PURA: variants seen among roughly 807,000 people sequenced by gnomAD.
The protein encoded by PURA is purine rich element binding protein A.
A neutral mutation model predicts 23.1 loss-of-function variants in PURA; 2 were observed. The observed-to-expected ratio is 0.09, with a 90% confidence interval of 0.04 to 0.27. PURA has a LOEUF of 0.27. PURA is among the 10% of genes least tolerant of loss of function. PURA has a pLI of 1.00. For missense variants in PURA, 187 were observed against 449.7 expected (o/e 0.42, Z 5.28); for synonymous variants, 254 against 205.9 (o/e 1.23, Z -2.00).
chr5:140,125,612 G>A lies in PURA; in HGVS notation c.*10462G>A, dbSNP rs1269618719. The A allele has an allele frequency of 3.0e-5, 5 of 166,908 alleles. No homozygotes were observed. The highest frequency in any genetic ancestry group is 1.2e-4 in the African/African-American group (5 of 41,390). 10.3% of individuals were successfully genotyped at this position (166,908 alleles called of 1,614,324 possible). Reference sequence around the variant, plus strand: ...TGTTGGGAAACAAGATGTCACTAGGGAAAAAAAGATTTGCCTTACAACTTT... The same window carrying A: ...TGTTGGGAAACAAGATGTCACTAGGAAAAAAAAGATTTGCCTTACAACTTT... On this transcript the variant is annotated 3_prime_UTR_variant, in exon 1 of 1. Coordinates refer to ENST00000331327, the MANE Select transcript of PURA (RefSeq NM_005859.5).
In PURA at chr5:140,123,503, T is replaced by C. The variant is rs1343372320; in HGVS notation, c.*8353T>C. 1 of 166,656 alleles carries C rather than the reference T, an allele frequency of 6.0e-6. No individual in the cohort carries two copies. The highest frequency in any genetic ancestry group is 1.5e-5 in the Non-Finnish European group (1 of 68,076). The allele number at this position is 166,656 out of a possible 1,614,324, so 10.3% of individuals were successfully genotyped here. On this transcript the variant is annotated 3_prime_UTR_variant, in exon 1 of 1. Coordinates refer to ENST00000331327, the MANE Select transcript of PURA (RefSeq NM_005859.5). Reference sequence around the variant, plus strand: ...TAGTCTTTTCTAATTTCTTGCAGAATTGTGTTTTCAATATTCCACCCAAAG... The same window carrying C: ...TAGTCTTTTCTAATTTCTTGCAGAACTGTGTTTTCAATATTCCACCCAAAG...
rs1390727319 is a variant in PURA, at chr5:140,119,170, C to G, written c.*4020C>G. The G allele has an allele frequency of 6.0e-6, 1 of 166,782 alleles. No individual in the cohort carries two copies. The highest frequency in any genetic ancestry group is 1.9e-4 in the East Asian group (1 of 5,200). 10.3% of individuals were successfully genotyped at this position (166,782 alleles called of 1,614,324 possible). A position where few individuals can be genotyped will look rare whatever the true frequency, so the allele number is the denominator to read the frequency against. On this transcript the variant is annotated 3_prime_UTR_variant, in exon 1 of 1. Transcript: ENST00000331327. The stretch of plus-strand genomic sequence containing the variant: ...GAAAGATATAATTTAGCTACCTATT[C>G]TAAAAATGGTGAATATTATTAATAT...
At position 140,114,961 on chromosome 5, in the gene PURA, C is replaced by T; in HGVS notation, c.780C>T (p.Pro260=). ...CCTATCGCAACTCCATCACCGTGCC[C>T]TACAAGGTGTGGGCCAAGTTCGGAC... ...KPTYRNSITV[P]YKVWAKFGHT... is the part of the protein sequence containing the mutation. The change falls in exon 1 of 1, where the codon CCC becomes CCT. Residue 260 remains proline (P), a synonymous_variant. Transcript: ENST00000331327. 6.2e-7 allele frequency: 1 copy of T among 1,614,200 alleles called. No individual in the cohort carries two copies. Among genetic ancestry groups the T allele is most frequent in the Non-Finnish European group, 8.5e-7 (1 of 1,180,028 alleles).
chr5:140,115,340 C>T lies in PURA; in HGVS notation c.*190C>T. On this transcript the variant is annotated 3_prime_UTR_variant, in exon 1 of 1. Coordinates refer to ENST00000331327, the MANE Select transcript of PURA (RefSeq NM_005859.5). This position sits in a 1 kb window ranked among gnomAD's most constrained non-coding sequence, Gnocchi z 4.1. ...ACCAACTGACAGTTTCTCTTCTTGACTTGCCACCCATCGCTGGATGTTGTC... is the reference window on the plus strand; with the variant it reads ...ACCAACTGACAGTTTCTCTTCTTGATTTGCCACCCATCGCTGGATGTTGTC... 2.3e-6 allele frequency: 1 copy of T among 439,352 alleles called. No homozygotes were observed. 27.2% of individuals were successfully genotyped at this position (439,352 alleles called of 1,614,324 possible). A position where few individuals can be genotyped will look rare whatever the true frequency, so the allele number is the denominator to read the frequency against.
chr5:140,114,328 G>T lies in PURA; in HGVS notation c.147G>T (p.Gly49=). Residue 49 remains glycine, a synonymous_variant, in exon 1 of 1, where the codon GGG becomes GGT. Coordinates refer to ENST00000331327, the MANE Select transcript of PURA (RefSeq NM_005859.5). ...GCGGCAGTGGCGGCGGCGGCGGCGGGGCCCCAGGGGGGCTGCAGCACGAGA... is the reference window on the plus strand; with the variant it reads ...GCGGCAGTGGCGGCGGCGGCGGCGGTGCCCCAGGGGGGCTGCAGCACGAGA... ...GGGGSGGGGG[G]APGGLQHETQ... 1 of 1,367,052 alleles carries T rather than the reference G, an allele frequency of 7.3e-7. No homozygotes were observed. Among genetic ancestry groups the T allele is most frequent in the East Asian group, 2.8e-5 (1 of 35,800 alleles). The allele number at this position is 1,367,052 out of a possible 1,614,324, so 84.7% of individuals were successfully genotyped here.
In PURA at chr5:140,120,528, T is replaced by G. The variant is rs1229125868; in HGVS notation, c.*5378T>G. 6.0e-6 allele frequency: 1 copy of G among 166,542 alleles called. No homozygotes were observed. Among genetic ancestry groups the G allele is most frequent in the African/African-American group, 2.4e-5 (1 of 41,446 alleles). The allele number at this position is 166,542 out of a possible 1,614,324, so 10.3% of individuals were successfully genotyped here. A position where few individuals can be genotyped will look rare whatever the true frequency, so the allele number is the denominator to read the frequency against. On this transcript the variant is annotated 3_prime_UTR_variant, in exon 1 of 1. Transcript: ENST00000331327. ...TTGTGATATATTAAGAAAAGCTGATTTTAATATTAATATTTAAGAAGTTAT... is the reference window on the plus strand; with the variant it reads ...TTGTGATATATTAAGAAAAGCTGATGTTAATATTAATATTTAAGAAGTTAT...
chr5:140,115,879 A>G lies in PURA; in HGVS notation c.*729A>G, dbSNP rs1185053892. The G allele has an allele frequency of 6.0e-6, 1 of 167,010 alleles. No individual in the cohort carries two copies. The highest frequency in any genetic ancestry group is 2.4e-5 in the African/African-American group (1 of 41,450). 10.3% of individuals were successfully genotyped at this position (167,010 alleles called of 1,614,324 possible). ...GTAAACAATAAGTGCTCTCTTTTAT[A>G]CAATATGCATTGCATCTGGACCTTA... On this transcript the variant is annotated 3_prime_UTR_variant, in exon 1 of 1. Coordinates refer to ENST00000331327, the MANE Select transcript of PURA (RefSeq NM_005859.5). This position sits in a 1 kb window ranked among gnomAD's most constrained non-coding sequence, Gnocchi z 4.1.
rs1763107893 is a variant in PURA, at chr5:140,118,023, T to G, written c.*2873T>G. The G allele has an allele frequency of 6.0e-6, 1 of 167,018 alleles. No individual in the cohort carries two copies. Among genetic ancestry groups the G allele is most frequent in the Non-Finnish European group, 1.5e-5 (1 of 68,090 alleles). The allele number at this position is 167,018 out of a possible 1,614,324, so 10.3% of individuals were successfully genotyped here. ...CCCAGGTGCTCGGTACTTTACCTAG[T>G]TTCTATATATCAGTGTTTTATGTTG... is the stretch of plus-strand genomic sequence containing the variant. On this transcript the variant is annotated 3_prime_UTR_variant, in exon 1 of 1. Coordinates refer to ENST00000331327, the MANE Select transcript of PURA (RefSeq NM_005859.5).
rs1763085779 is a variant in PURA, at chr5:140,116,834, A to C, written c.*1684A>C. On this transcript the variant is annotated 3_prime_UTR_variant, in exon 1 of 1. Coordinates refer to ENST00000331327, the MANE Select transcript of PURA (RefSeq NM_005859.5). ...AGTATTTTGGTAAAAAAAAAAAAAAAAAAAAAGGGTCTTGTCTGACAGAGA... is the reference window on the plus strand; with the variant it reads ...AGTATTTTGGTAAAAAAAAAAAAAACAAAAAAGGGTCTTGTCTGACAGAGA... 6.2e-6 allele frequency: 1 copy of C among 161,406 alleles called. No individual in the cohort carries two copies. Among genetic ancestry groups the C allele is most frequent in the African/African-American group, 2.4e-5 (1 of 41,382 alleles). The allele number at this position is 161,406 out of a possible 1,614,324, so 10.0% of individuals were successfully genotyped here.
rs754866697 is a variant in PURA at position 140,114,514 on chromosome 5, C to T, written c.333C>T (p.Arg111=). The change falls in exon 1 of 1, where the codon CGC becomes CGT. Residue 111 remains arginine, a synonymous_variant. Coordinates refer to ENST00000331327, the MANE Select transcript of PURA (RefSeq NM_005859.5). The part of the protein sequence containing the change: ...TLSMSVAVEF[R]DYLGDFIEHY... ...CCATGTCAGTGGCCGTGGAGTTCCG[C>T]GACTACCTGGGCGACTTCATCGAGC... 3 of 1,609,756 alleles carry T rather than the reference C, an allele frequency of 1.9e-6. No individual in the cohort carries two copies. The highest frequency in any genetic ancestry group is 2.2e-5 in the South Asian group (2 of 90,722).
chr5:140,120,475 AATT>A lies in PURA; in HGVS notation c.*5331_*5333del, dbSNP rs1355836191. The stretch of plus-strand genomic sequence containing the variant: ...ACTAAAGTGATCACTGCTATTCACG[AATT>A]ATTATAGAATCTTCTTTGCAGATTT... On this transcript the variant is annotated 3_prime_UTR_variant, in exon 1 of 1. Transcript: ENST00000331327. 3 of 166,780 alleles carry A rather than the reference AATT, an allele frequency of 1.8e-5. No individual in the cohort carries two copies. The highest frequency in any genetic ancestry group is 2.9e-5 in the Non-Finnish European group (2 of 67,964). The allele number at this position is 166,780 out of a possible 1,614,324, so 10.3% of individuals were successfully genotyped here. A position where few individuals can be genotyped will look rare whatever the true frequency, so the allele number is the denominator to read the frequency against.
In PURA at chr5:140,125,136, G is replaced by GA. The variant is rs200612870; in HGVS notation, c.*9996dup. 58 of 160,476 alleles carry GA rather than the reference G, an allele frequency of 3.6e-4. No individual in the cohort carries two copies. The highest frequency in any genetic ancestry group is 2.1e-4 in the South Asian group (1 of 4,708). The allele number at this position is 160,476 out of a possible 1,614,324, so 9.9% of individuals were successfully genotyped here. ...ACAGTGTGATGGATCCTCTACCCAA[G>GA]AAAAAAAAAATGCCCATCCCTGGAT... On this transcript the variant is annotated 3_prime_UTR_variant, in exon 1 of 1. Coordinates refer to ENST00000331327, the MANE Select transcript of PURA (RefSeq NM_005859.5).
Position 140,115,035 on chromosome 5 carries a change from A to T in PURA, c.854A>T (p.Gln285Leu). The T allele has an allele frequency of 6.2e-7, 1 of 1,614,154 alleles. No homozygotes were observed. Among genetic ancestry groups the T allele is most frequent in the Non-Finnish European group, 8.5e-7 (1 of 1,180,030 alleles). Reference sequence around the variant, plus strand: ...GAGATGAAGAAGATTCAAGAGAAGCAGAGGGAGAAGCGGGCTGCCTGTGAG... The same window carrying T: ...GAGATGAAGAAGATTCAAGAGAAGCTGAGGGAGAAGCGGGCTGCCTGTGAG... ...SEEMKKIQEK[Q>L]REKRAACEQL... The change falls in exon 1 of 1, where the codon CAG becomes CTG. Residue 285 changes from glutamine (Q) to leucine (L), a missense_variant. Gln to Leu is a moderately radical substitution (Grantham distance 113, BLOSUM62 -2). Around this residue, in one of 9 missense-constraint regions of PURA, gnomAD observed 65 missense variants for 158.6 expected, o/e 0.41. Transcript: ENST00000331327. This position sits in a 1 kb window ranked among gnomAD's most constrained non-coding sequence, Gnocchi z 4.1.
rs1581036118 is a variant in PURA, at chr5:140,114,301, C to T, written c.120C>T (p.Gly40=). The change falls in exon 1 of 1, where the codon GGC becomes GGT. Residue 40 remains glycine, a synonymous_variant. Transcript: ENST00000331327. ...GGGGCGGTGGTGGCGGCGGGGGCGGCGGCGGCAGTGGCGGCGGCGGCGGCG... is the reference window on the plus strand; with the variant it reads ...GGGGCGGTGGTGGCGGCGGGGGCGGTGGCGGCAGTGGCGGCGGCGGCGGCG... ...SGGGGGGGGG[G]GGSGGGGGGA... is the part of the protein sequence containing the mutation. 5 of 1,267,584 alleles carry T rather than the reference C, an allele frequency of 3.9e-6. No homozygotes were observed. Among genetic ancestry groups the T allele is most frequent in the African/African-American group, 3.2e-5 (2 of 62,300 alleles). 78.5% of individuals were successfully genotyped at this position (1,267,584 alleles called of 1,614,324 possible). A position where few individuals can be genotyped will look rare whatever the true frequency, so the allele number is the denominator to read the frequency against.
chr5:140,114,838 C>A lies in PURA; in HGVS notation c.657C>A (p.Pro219=). 1 of 1,614,178 alleles carries A rather than the reference C, an allele frequency of 6.2e-7. No homozygotes were observed. Among genetic ancestry groups the A allele is most frequent in the Non-Finnish European group, 8.5e-7 (1 of 1,180,016 alleles). Residue 219 remains proline, a synonymous_variant, in exon 1 of 1, where the codon CCC becomes CCA. Coordinates refer to ENST00000331327, the MANE Select transcript of PURA (RefSeq NM_005859.5). ...YGVEEEPAEL[P]EGTSLTVDNK... is the part of the protein sequence containing the mutation. ...TGGAGGAGGAGCCGGCCGAGCTGCC[C>A]GAGGGCACCTCCTTGACTGTGGACA...
In PURA at chr5:140,115,591, C is replaced by A. The variant is rs1288867712; in HGVS notation, c.*441C>A. Reference sequence around the variant, plus strand: ...AATATTGCTGAATTATATAAAAGTCCTTTTCATGTTGAGCTAACATTTGAC... The same window carrying A: ...AATATTGCTGAATTATATAAAAGTCATTTTCATGTTGAGCTAACATTTGAC... On this transcript the variant is annotated 3_prime_UTR_variant, in exon 1 of 1. Coordinates refer to ENST00000331327, the MANE Select transcript of PURA (RefSeq NM_005859.5). The surrounding 1 kb of genome is among the most constrained non-coding windows in gnomAD (Gnocchi z 4.1). The A allele has an allele frequency of 6.0e-6, 1 of 167,178 alleles. No individual in the cohort carries two copies. The highest frequency in any genetic ancestry group is 2.4e-5 in the African/African-American group (1 of 41,410). The allele number at this position is 167,178 out of a possible 1,614,324, so 10.4% of individuals were successfully genotyped here. A position where few individuals can be genotyped will look rare whatever the true frequency, so the allele number is the denominator to read the frequency against.
At position 140,117,655 on chromosome 5, in the gene PURA, T is replaced by C. The variant is rs1290765151; in HGVS notation, c.*2505T>C. Reference sequence around the variant, plus strand: ...GCGAGTTCTTTCATGAGGTTTTCTTTAGGGCCAGAGTTACCTAAAGTGAAG... The same window carrying C: ...GCGAGTTCTTTCATGAGGTTTTCTTCAGGGCCAGAGTTACCTAAAGTGAAG... On this transcript the variant is annotated 3_prime_UTR_variant, in exon 1 of 1. Transcript: ENST00000331327. 2 of 166,882 alleles carry C rather than the reference T, an allele frequency of 1.2e-5. No homozygotes were observed. Among genetic ancestry groups the C allele is most frequent in the Non-Finnish European group, 2.9e-5 (2 of 68,096 alleles). The allele number at this position is 166,882 out of a possible 1,614,324, so 10.3% of individuals were successfully genotyped here. A position where few individuals can be genotyped will look rare whatever the true frequency, so the allele number is the denominator to read the frequency against.
rs1763089806 is a variant in PURA at position 140,117,179 on chromosome 5, T to C, written c.*2029T>C. The C allele has an allele frequency of 6.0e-6, 1 of 167,056 alleles. No individual in the cohort carries two copies. Among genetic ancestry groups the C allele is most frequent in the South Asian group, 2.1e-4 (1 of 4,828 alleles). The allele number at this position is 167,056 out of a possible 1,614,324, so 10.3% of individuals were successfully genotyped here. A position where few individuals can be genotyped will look rare whatever the true frequency, so the allele number is the denominator to read the frequency against. On this transcript the variant is annotated 3_prime_UTR_variant, in exon 1 of 1. Coordinates refer to ENST00000331327, the MANE Select transcript of PURA (RefSeq NM_005859.5). ...TTTGCTTTTAATATTCAATGTTAAATATGAGGTGACCGTACAGTAGTTAGG... is the reference window on the plus strand; with the variant it reads ...TTTGCTTTTAATATTCAATGTTAAACATGAGGTGACCGTACAGTAGTTAGG...
At position 140,116,291 on chromosome 5, in the gene PURA, A is replaced by AT. The variant is rs1027881888; in HGVS notation, c.*1146dup. On this transcript the variant is annotated 3_prime_UTR_variant, in exon 1 of 1. Coordinates refer to ENST00000331327, the MANE Select transcript of PURA (RefSeq NM_005859.5). ...GTAAGAGGTCTGAAGCTATTCTTTGATTTTTGCTAGTGCTATTAACTTATG... is the reference window on the plus strand; with the variant it reads ...GTAAGAGGTCTGAAGCTATTCTTTGATTTTTTGCTAGTGCTATTAACTTATG... 1 of 167,046 alleles carries AT rather than the reference A, an allele frequency of 6.0e-6. No individual in the cohort carries two copies. Among genetic ancestry groups the AT allele is most frequent in the African/African-American group, 2.4e-5 (1 of 41,454 alleles). The allele number at this position is 167,046 out of a possible 1,614,324, so 10.3% of individuals were successfully genotyped here.
Sources: allele counts gnomAD v4.1 joint callset, GRCh38; gene constraint gnomAD v4.1.1; regional missense constraint gnomAD v4.1.1; non-coding constraint Gnocchi (gnomAD v3.1); transcripts MANE v1.5; gene names NCBI Gene and HGNC (gene_info 2026-07-23, HGNC 2026-07-21).